Variants in CLK2 observed in about 807,000 individuals in gnomAD.
CLK2 encodes the protein CDC like kinase 2, also known as dual specificity protein kinase CLK2.
Under a neutral mutation model 73.5 loss-of-function variants are expected in CLK2, and 12 were observed. The observed-to-expected ratio is 0.16, with a 90% CI of 0.10 to 0.26. CLK2 has a LOEUF of 0.26. Ranked by LOEUF, CLK2 falls within the 10% of genes least tolerant of loss-of-function variation. The pLI, the probability that CLK2 is intolerant of heterozygous loss-of-function variation, is 1.00. For missense variants in CLK2, 509 were observed against 688.4 expected (o/e 0.74, Z 2.92); for synonymous variants, 232 against 237.9 (o/e 0.98, Z 0.23).
intron 2 of CLK2, among the ~76,000 whole-genome samples, chr1:155,270,503 A>G (rs1673443665): frequency 1.3e-5 from 2 of 152,184 alleles, no homozygotes; most frequent in South Asian, 4.1e-4. Flanking sequence ...CTGCCCAAAG[A>G]CACTTCCCCC....
intron 2 of CLK2, 89 bp from the exon 3 acceptor site, chr1:155,269,805 A>G: frequency 8.3e-7 from 1 of 1,206,254 alleles, no homozygotes; most frequent in South Asian, 1.2e-5. Flanking sequence ...TAGTGAGGAC[A>G]AAGAGTAATG....
Position 155,266,074 on chromosome 1 carries a change from G to C in CLK2, c.839-120C>G, listed in dbSNP as rs1023440781. 69 of 724,570 alleles carry C rather than the reference G, an allele frequency of 9.5e-5. No homozygotes were observed. In the African/African-American group the frequency reaches 9.8e-4, roughly 10 times the overall value. 44.9% of individuals were successfully genotyped at this position (724,570 alleles called of 1,614,324 possible). A position where few individuals can be genotyped will look rare whatever the true frequency, so the allele number is the denominator to read the frequency against. On this transcript the variant is annotated intron_variant, in intron 7 of 12. Coordinates refer to ENST00000368361, the MANE Select transcript of CLK2 (RefSeq NM_001294338.2). ...TGAGGAGACAGGTCCAGAATCACTA[G>C]GGCTGCTTTCTGCTCTACGTCTAAA... is the stretch of plus-strand genomic sequence containing the variant.
At chr1:155,269,867 C>G (rs949356071) in intron 2 of CLK2, 151 bp from the exon 3 acceptor site, 1 of 711,752 alleles carries the variant, frequency 1.4e-6, no homozygotes, top group Non-Finnish European at 2.4e-6. Context: ...ACCAAGGGAC[C>G]AGAGAAGTGA....
intron 11 of CLK2, 52 bp from the exon 12 acceptor site, chr1:155,264,092 C>G: frequency 1.9e-6 from 3 of 1,568,704 alleles, no homozygotes; most frequent in Non-Finnish European, 2.6e-6. Flanking sequence ...TGTTACAATT[C>G]CCTTATTTCC....
At position 155,269,638 on chromosome 1, in the gene CLK2, G is replaced by A; in HGVS notation, c.249C>T (p.Ser83=). 6.2e-7 allele frequency: 1 copy of A among 1,614,212 alleles called. No homozygotes were observed. Among genetic ancestry groups the A allele is most frequent in the South Asian group, 1.1e-5 (1 of 91,082 alleles). ...YCGSYRRNDY[S]RDRGDAYYDT... ...CATAGTAGGCATCTCCCCGATCCCG[G>A]CTATAATCGTTGCGTCTGTAGCTGC... Residue 83 remains serine (S), a synonymous_variant, in exon 3 of 13, where the codon AGC becomes AGT. Transcript: ENST00000368361.
intron 8 of CLK2, 135 bp downstream of exon 8, chr1:155,265,725 T>C: frequency 1.4e-6 from 1 of 719,268 alleles, no homozygotes; most frequent in Non-Finnish European, 2.6e-6. Flanking sequence ...CCTATTTAGT[T>C]TTACCCAGTT....
At chr1:155,266,365 T>C (rs1003306435) in intron 7 of CLK2, among the ~76,000 whole-genome samples, 1 of 152,204 alleles carries the variant, frequency 6.6e-6, no homozygotes, top group Admixed American at 6.5e-5. Flanking sequence ...TGAATGAACA[T>C]CTCATCCCAG....
chr1:155,264,373 C>A, intron 10 of CLK2, 73 bp from the exon 11 acceptor site: 2 of 1,602,856 alleles, frequency 1.2e-6, no homozygotes, highest in Non-Finnish European at 1.7e-6. Flanking sequence ...GGAAGGCAGG[C>A]AATGTGGAGA....
At position 155,268,157 on chromosome 1, in the gene CLK2, G is replaced by A; in HGVS notation, c.555-31C>T. 1 of 1,594,112 alleles carries A rather than the reference G, an allele frequency of 6.3e-7. No homozygotes were observed. Among genetic ancestry groups the A allele is most frequent in the Non-Finnish European group, 8.6e-7 (1 of 1,161,822 alleles). ...AGTTGGCAGGAGAGGCTTTTGCTGG[G>A]TTCTCAAGAATGTCTCAAAATGAAC... On this transcript the variant is annotated intron_variant, in intron 5 of 12. Coordinates refer to ENST00000368361, the MANE Select transcript of CLK2 (RefSeq NM_001294338.2). This position sits in a 1 kb window ranked among gnomAD's most constrained non-coding sequence, Gnocchi z 5.6.
intron 1 of CLK2, among the ~76,000 whole-genome samples, chr1:155,272,693 C>G (rs1361818508): frequency 6.6e-6 from 1 of 152,130 alleles, no homozygotes; most frequent in Non-Finnish European, 1.5e-5. Flanking sequence ...GCATAGTTAT[C>G]CTAATCAGCA....
Position 155,266,871 on chromosome 1 carries a change from CCAGT to C in CLK2, c.692_695del (p.Asp231GlyfsTer55). On this transcript the variant is annotated frameshift_variant, in exon 7 of 13. Coordinates refer to ENST00000368361, the MANE Select transcript of CLK2 (RefSeq NM_001294338.2). LOFTEE classifies it high-confidence loss of function. The stretch of plus-strand genomic sequence containing the variant: ...TACACATGTGGCCATGGTAGTCAAA[CCAGT>C]CAAACATCTGGACACAGAGGCTGAG... 6.2e-7 allele frequency: 1 copy of C among 1,613,448 alleles called. No homozygotes were observed. The highest frequency in any genetic ancestry group is 8.5e-7 in the Non-Finnish European group (1 of 1,179,754).
chr1:155,266,779 G>A lies in CLK2; in HGVS notation c.788C>T (p.Pro263Leu). 2 of 1,613,636 alleles carry A rather than the reference G, an allele frequency of 1.2e-6. No homozygotes were observed. Among genetic ancestry groups the A allele is most frequent in the Non-Finnish European group, 8.5e-7 (1 of 1,179,818 alleles). Reference protein sequence around the residue: ...FLKDNNYLPYPIHQVRHMAFQ... With the variant: ...FLKDNNYLPYLIHQVRHMAFQ... ...GGCCATGTGGCGCACTTGGTGGATG[G>A]GGTAGGGCAGGTAGTTGTTGTCTTT... Residue 263 changes from proline (P) to leucine (L), a missense_variant, in exon 7 of 13, where the codon CCC (proline) becomes CTC (leucine). Coordinates refer to ENST00000368361, the MANE Select transcript of CLK2 (RefSeq NM_001294338.2).
In CLK2 at chr1:155,264,553, G is replaced by C; in HGVS notation, c.1064-3C>G. 3 of 1,614,220 alleles carry C rather than the reference G, an allele frequency of 1.9e-6. No homozygotes were observed. Among genetic ancestry groups the C allele is most frequent in the Non-Finnish European group, 2.5e-6 (3 of 1,180,018 alleles). ...ACAAGGCTGTGACCAGCCCAACTCT[G>C]GGTGAGAATGGGAGGGAAAAGGTGT... On this transcript the variant is annotated splice_polypyrimidine_tract_variant and splice_region_variant and intron_variant, in intron 9 of 12. Transcript: ENST00000368361.
At chr1:155,271,344 G>T (rs1673496344) in intron 1 of CLK2, among the ~76,000 whole-genome samples, 1 of 152,172 alleles carries the variant, frequency 6.6e-6, no homozygotes. Flanking sequence ...TCCTGCCTCA[G>T]CCTCCTGTGT....
chr1:155,272,842 C>T (rs1673574162), intron 1 of CLK2, among the ~76,000 whole-genome samples: 1 of 152,204 alleles, frequency 6.6e-6, no homozygotes, highest in Non-Finnish European at 1.5e-5. Flanking sequence ...ATCCAGAACT[C>T]CTACAGGCAA....
chr1:155,263,813 C>T, intron 12 of CLK2, 137 bp downstream of exon 12: 1 of 1,391,796 alleles, frequency 7.2e-7, no homozygotes, highest in Non-Finnish European at 9.8e-7. Flanking sequence ...CCTCTGTTGA[C>T]CAAAGATGTC....
Position 155,271,770 on chromosome 1 carries a change from G to A in CLK2, c.1-793C>T, listed in dbSNP as rs538937962. Among the ~76,000 whole-genome samples the A allele has an allele frequency of 3.9e-5, 6 of 152,316 alleles. No homozygotes were observed. In the East Asian group the frequency reaches 1.2e-3, roughly 29 times the overall value. On this transcript the variant is annotated intron_variant, in intron 1 of 12. Coordinates refer to ENST00000368361, the MANE Select transcript of CLK2 (RefSeq NM_001294338.2). The stretch of plus-strand genomic sequence containing the variant: ...TTAAGAGTACATCTCATCTCCTCAA[G>A]TAGACTATCAGTGTCCTGAGGGTAG...
At chr1:155,267,337 C>T (rs201009284) in intron 6 of CLK2, among the ~76,000 whole-genome samples, 1 of 152,106 alleles carries the variant, frequency 6.6e-6, no homozygotes, top group East Asian at 1.9e-4. Flanking sequence ...GTGATCCACC[C>T]GCCTCGGCCT....
rs1673144775 is a variant in CLK2, at chr1:155,264,713, G to A, written c.995C>T (p.Thr332Ile). The A allele has an allele frequency of 6.2e-7, 1 of 1,614,252 alleles. No individual in the cohort carries two copies. The highest frequency in any genetic ancestry group is 8.5e-7 in the Non-Finnish European group (1 of 1,180,042). ...GGTGCTATGGTGCTCATGGTCAAAGGTGGCACTGCCAAAGTCTACCACCCG... is the reference window on the plus strand; with the variant it reads ...GGTGCTATGGTGCTCATGGTCAAAGATGGCACTGCCAAAGTCTACCACCCG... ...AVRVVDFGSA[T>I]FDHEHHSTIV... Residue 332 changes from threonine to isoleucine, a missense_variant, in exon 9 of 13, where the codon ACC becomes ATC. Thr to Ile is a moderately conservative substitution (Grantham distance 89). This residue lies in a region of CLK2 where 48 missense variants were observed against 144.9 expected (regional missense o/e 0.33). Transcript: ENST00000368361.
Sources: gnomAD v4.1 joint callset for allele counts (sites outside exome capture counted in the v4.1 genomes callset) on GRCh38, gnomAD v4.1.1 for gene constraint, gnomAD v4.1.1 regional missense constraint, Gnocchi (gnomAD v3.1) non-coding constraint, MANE v1.5 for transcripts, NCBI Gene and HGNC (gene_info 2026-07-23, HGNC 2026-07-21) for gene names.